PCBP3: variants seen among roughly 807,000 people sequenced by gnomAD.
PCBP3 encodes poly(rC)-binding protein 3.
In PCBP3, 25 loss-of-function variants were observed where a neutral mutation model predicts 52.7. The ratio of observed to expected loss-of-function variants is 0.47; its 90% CI spans 0.35 to 0.66. The LOEUF (loss-of-function observed/expected upper bound fraction) is 0.66, where lower values mean the gene tolerates loss of function less well. Among genes scored for constraint, PCBP3 ranks in the 30% least tolerant of loss-of-function variants. The pLI, the probability that PCBP3 is intolerant of heterozygous loss-of-function variation, is 0.01. For missense variants in PCBP3, 391 were observed against 490.3 expected, an observed-to-expected ratio of 0.80 and a Z score of 1.91; for synonymous variants, 162 against 183.0, an observed-to-expected ratio of 0.89 and a Z score of 0.93.
rs946783010 is a variant in PCBP3, at chr21:45,893,523, T to G, written c.11-2685T>G. On this transcript the variant is annotated intron_variant, in intron 5 of 17. Coordinates refer to ENST00000681687, the MANE Select transcript of PCBP3 (RefSeq NM_001384156.1). ...CTGGGGTGCAGAGTGTGTTCTGGCC[T>G]GAGGCACATCTGCAGATGGTGGTCC... 1.7e-4 allele frequency among the ~76,000 whole-genome samples: 10 copies of G among 58,254 alleles called. 1 individual carries two copies. Among genetic ancestry groups the G allele is most frequent in the African/African-American group, 1.2e-3 (8 of 6,770 alleles). The allele number at this position is 58,254 out of a possible 152,430, so 38.2% of individuals were successfully genotyped here.
chr21:45,708,834 G>A (rs998395482), intron 2 of PCBP3, among the ~76,000 whole-genome samples: 6 of 152,218 alleles, frequency 3.9e-5, no homozygotes, highest in African/African-American at 1.4e-4. Context: ...TTCCCCGTAG[G>A]AGCATTTGCA....
intron 2 of PCBP3, among the ~76,000 whole-genome samples, chr21:45,730,152 A>C (rs2085347464): frequency 6.6e-6 from 1 of 151,864 alleles, no homozygotes; most frequent in Non-Finnish European, 1.5e-5. Flanking sequence ...TCCCTAATAT[A>C]ATCATTTAGT....
chr21:45,732,616 TG>T (rs2085544006), intron 2 of PCBP3: 1 of 152,124 alleles, frequency 6.6e-6, no homozygotes, highest in African/African-American at 2.4e-5. Flanking sequence ...AATCTATGTA[TG>T]GGCTTAAATT....
chr21:45,696,056 G>T (rs1227118455), intron 2 of PCBP3, among the ~76,000 whole-genome samples: 2 of 123,518 alleles, frequency 1.6e-5, no homozygotes, highest in Non-Finnish European at 3.2e-5. Context: ...TCCAGCCTGG[G>T]TAACTAGAGC....
At chr21:45,794,055 T>A (rs925588926) in intron 4 of PCBP3, among the ~76,000 whole-genome samples, 1 of 152,182 alleles carries the variant, frequency 6.6e-6, no homozygotes, top group Non-Finnish European at 1.5e-5. Context: ...TAAAATACTA[T>A]TTGAAATAAA....
chr21:45,689,949 A>G (rs1179567703), intron 2 of PCBP3, among the ~76,000 whole-genome samples: 1 of 152,138 alleles, frequency 6.6e-6, no homozygotes, highest in Non-Finnish European at 1.5e-5. Flanking sequence ...TGATCTACAG[A>G]TTGAAAGCTA....
chr21:45,889,246 G>T (rs1295925434), intron 5 of PCBP3, among the ~76,000 whole-genome samples: 2 of 152,166 alleles, frequency 1.3e-5, no homozygotes, highest in Non-Finnish European at 2.9e-5. Flanking sequence ...AAATGTAAGT[G>T]CCCCGAGCTG....
At chr21:45,688,143 T>C (rs2082260136) in intron 2 of PCBP3, among the ~76,000 whole-genome samples, 1 of 152,086 alleles carries the variant, frequency 6.6e-6, no homozygotes, top group Non-Finnish European at 1.5e-5. Flanking sequence ...AAAGTAGAAA[T>C]AAGACAGCAC....
rs187563577 is a variant in PCBP3 at position 45,914,435 on chromosome 21, A to T, written c.675+410A>T. On this transcript the variant is annotated intron_variant, in intron 12 of 17. Coordinates refer to ENST00000681687, the MANE Select transcript of PCBP3 (RefSeq NM_001384156.1). ...ACATCCGTGTTCCCAAACTCCCAGG[A>T]TGTGCTTGTAGCAGGGACGTGCGAG... 1,016 of 392,218 alleles carry T rather than the reference A, an allele frequency of 2.6e-3. 2 individuals are homozygous for T. Among genetic ancestry groups the T allele is most frequent in the Non-Finnish European group, 4.0e-3 (891 of 220,270 alleles). The allele number at this position is 392,218 out of a possible 1,614,324, so 24.3% of individuals were successfully genotyped here.
chr21:45,767,595 C>A (rs1185823698), intron 4 of PCBP3, among the ~76,000 whole-genome samples: 1 of 152,226 alleles, frequency 6.6e-6, no homozygotes, highest in Non-Finnish European at 1.5e-5. Flanking sequence ...GAGGAACCAC[C>A]AGACCGTTTT....
At chr21:45,794,861 G>A (rs540584214) in intron 4 of PCBP3, among the ~76,000 whole-genome samples, 4 of 151,744 alleles carry the variant, frequency 2.6e-5, no homozygotes, top group South Asian at 2.1e-4. Context: ...CCCGGGAGGC[G>A]GAGCTTGCAG....
At chr21:45,661,375 T>C (rs1490596789) in intron 1 of PCBP3, among the ~76,000 whole-genome samples, 2 of 152,182 alleles carry the variant, frequency 1.3e-5, no homozygotes, top group Admixed American at 1.3e-4. Context: ...ATATATTACT[T>C]AGCTCCCATA....
intron 11 of PCBP3, among the ~76,000 whole-genome samples, chr21:45,913,520 G>A (rs559250832): frequency 6.6e-5 from 10 of 152,298 alleles, no homozygotes; most frequent in African/African-American, 2.2e-4. Flanking sequence ...GAGGGGCCCC[G>A]GTGGAGGGGC....
At chr21:45,874,505 C>CT (rs551716964) in intron 5 of PCBP3, among the ~76,000 whole-genome samples, 6,067 of 133,970 alleles carry the variant, frequency 0.045, 145 homozygotes, top group African/African-American at 0.055. Flanking sequence ...TTCTTCTTTT[C>CT]TTTTTTTTTT....
In PCBP3 at chr21:45,928,552, G is replaced by T. The variant is rs565323521; in HGVS notation, c.718-1365G>T. Among the ~76,000 whole-genome samples the T allele has an allele frequency of 6.6e-6, 1 of 152,170 alleles. No individual in the cohort carries two copies. The highest frequency in any genetic ancestry group is 2.4e-5 in the African/African-American group (1 of 41,448). Reference sequence around the variant, plus strand: ...GGAAGGCGCTGGGACCACAGTCGCCGCATTCCTGACTGTGCTCCCTGGTGT... The same window carrying T: ...GGAAGGCGCTGGGACCACAGTCGCCTCATTCCTGACTGTGCTCCCTGGTGT... On this transcript the variant is annotated intron_variant, in intron 13 of 17. Coordinates refer to ENST00000681687, the MANE Select transcript of PCBP3 (RefSeq NM_001384156.1). This position sits in a 1 kb window ranked among gnomAD's most constrained non-coding sequence, Gnocchi z 4.1.
chr21:45,901,430 G>A (rs1209196742), intron 9 of PCBP3: 3 of 321,966 alleles, frequency 9.3e-6, no homozygotes, highest in Non-Finnish European at 1.8e-5. Context: ...TTCCCCTGGG[G>A]CGTGCAGCCT....
chr21:45,801,164 T>G (rs1399580781), intron 4 of PCBP3, among the ~76,000 whole-genome samples: 4 of 152,200 alleles, frequency 2.6e-5, no homozygotes, highest in African/African-American at 7.2e-5. Context: ...CTGCGTCCTG[T>G]GGGAGAAGGT....
Position 45,904,195 on chromosome 21 carries a change from AGAGTC to A in PCBP3, c.339+3087_339+3091del, listed in dbSNP as rs2096140747. Among the ~76,000 whole-genome samples, 1 of 152,326 alleles carries A rather than the reference AGAGTC, an allele frequency of 6.6e-6. No homozygotes were observed. The highest frequency in any genetic ancestry group is 2.1e-4 in the South Asian group (1 of 4,830). ...TTTGTCATCTCTGCCGCAGCAGGGC[AGAGTC>A]GAGTATCAGGAATTCCTAAAGGTAC... On this transcript the variant is annotated intron_variant, in intron 9 of 17. Transcript: ENST00000681687. The surrounding 1 kb of genome is among the most constrained non-coding windows in gnomAD (Gnocchi z 4.8).
chr21:45,645,662 A>G (rs1316594065), intron 1 of PCBP3, among the ~76,000 whole-genome samples: 1 of 152,256 alleles, frequency 6.6e-6, no homozygotes, highest in Non-Finnish European at 1.5e-5. Flanking sequence ...CTGCATTTAT[A>G]AATTTGAAAA....
Sources: gnomAD v4.1 joint callset for allele counts (sites outside exome capture counted in the v4.1 genomes callset) on GRCh38, gnomAD v4.1.1 for gene constraint, Gnocchi (gnomAD v3.1) non-coding constraint, MANE v1.5 for transcripts, NCBI Gene and HGNC (gene_info 2026-07-23, HGNC 2026-07-21) for gene names.